Variants in CTNND2 observed in about 807,000 individuals in gnomAD.
CTNND2 encodes catenin delta-2.
A neutral mutation model predicts 144.4 loss-of-function variants in CTNND2; 22 were observed. The ratio of observed to expected loss-of-function variants is 0.15; its 90% CI spans 0.11 to 0.22. CTNND2 has a LOEUF of 0.22. Ranked by LOEUF, CTNND2 falls within the 10% of genes least tolerant of loss-of-function variation. The pLI, the probability that CTNND2 is intolerant of heterozygous loss-of-function variation, is 1.00. For synonymous variants in CTNND2, 751 were observed against 695.6 expected (o/e 1.08, Z -1.25); for missense variants, 1,353 against 1,618.8 (o/e 0.84, Z 2.82).
At chr5:11,216,960 C>A (rs754961477) in intron 10 of CTNND2, among the ~76,000 whole-genome samples, 15 of 152,138 alleles carry the variant, frequency 9.9e-5, no homozygotes, top group Non-Finnish European at 1.9e-4. Flanking sequence ...GGAGGTGGAT[C>A]TATATTGCCC....
intron 2 of CTNND2, among the ~76,000 whole-genome samples, chr5:11,646,584 A>C (rs189994028): frequency 6.6e-6 from 1 of 152,296 alleles, no homozygotes; most frequent in Admixed American, 6.5e-5. Context: ...TTCAAGAAAT[A>C]TTTTACCAAT....
At chr5:11,242,519 G>C (rs1184159760) in intron 9 of CTNND2, among the ~76,000 whole-genome samples, 1 of 152,180 alleles carries the variant, frequency 6.6e-6, no homozygotes, top group Non-Finnish European at 1.5e-5. Flanking sequence ...AAAGCCTGAA[G>C]ACAGTTTTGG....
chr5:11,827,400 A>G (rs1793659013), intron 1 of CTNND2, among the ~76,000 whole-genome samples: 1 of 152,202 alleles, frequency 6.6e-6, no homozygotes, highest in African/African-American at 2.4e-5. Flanking sequence ...CTAAACTTCT[A>G]CCCTTAATAA....
chr5:11,732,442 T>C (rs958430840), intron 1 of CTNND2, among the ~76,000 whole-genome samples, 170 bp from the exon 2 acceptor site: 1 of 152,154 alleles, frequency 6.6e-6, no homozygotes, highest in African/African-American at 2.4e-5. Flanking sequence ...AAAGTAACAG[T>C]ACAAGTAAAC....
intron 11 of CTNND2, among the ~76,000 whole-genome samples, chr5:11,162,080 TG>T (rs149067296): frequency 0.11 from 15,824 of 147,046 alleles, 1,214 homozygotes; most frequent in East Asian, 0.43. Flanking sequence ...AACCTGGGAG[TG>T]GGGGGGGGTT....
chr5:11,057,403 T>G (rs2149590152), intron 16 of CTNND2, among the ~76,000 whole-genome samples: 1 of 152,318 alleles, frequency 6.6e-6, no homozygotes, highest in Non-Finnish European at 1.5e-5. Flanking sequence ...TGAATAAGTC[T>G]TATGAGATCT....
intron 1 of CTNND2, among the ~76,000 whole-genome samples, chr5:11,901,747 C>T (rs1560986435): frequency 6.6e-6 from 1 of 152,116 alleles, no homozygotes; most frequent in Non-Finnish European, 1.5e-5. Context: ...TAACATAAAA[C>T]CCACATATAC....
chr5:11,371,294 A>G (rs1195571575), intron 7 of CTNND2, among the ~76,000 whole-genome samples: 1 of 152,262 alleles, frequency 6.6e-6, no homozygotes, highest in Non-Finnish European at 1.5e-5. Flanking sequence ...GGAAAAGGTG[A>G]TATCAGCATA....
chr5:11,308,372 A>G (rs1180356035), intron 9 of CTNND2, among the ~76,000 whole-genome samples: 1 of 152,224 alleles, frequency 6.6e-6, no homozygotes, highest in Non-Finnish European at 1.5e-5. Context: ...GTCTCTCACA[A>G]CTAGCCAGCT....
chr5:11,465,476 G>A (rs982411143), intron 3 of CTNND2, among the ~76,000 whole-genome samples: 21 of 152,080 alleles, frequency 1.4e-4, no homozygotes, highest in Non-Finnish European at 2.9e-4. Flanking sequence ...TCACATGATC[G>A]ATGTCCCAAT....
At chr5:11,681,965 C>CTGACACATGACACA (rs78015659) in intron 2 of CTNND2, among the ~76,000 whole-genome samples, 16 of 152,224 alleles carry the variant, frequency 1.1e-4, no homozygotes, top group African/African-American at 3.9e-4. Flanking sequence ...GACTGGCCTT[C>CTGACACATGACACA]TGACACATGA....
At chr5:11,092,036 G>A (rs531372697) in intron 15 of CTNND2, among the ~76,000 whole-genome samples, 6 of 152,086 alleles carry the variant, frequency 3.9e-5, no homozygotes, top group African/African-American at 9.6e-5. Context: ...TGAGTCTACC[G>A]AGATCCCCCT....
Position 11,384,477 on chromosome 5 carries a change from A to C in CTNND2, c.1177+188T>G, listed in dbSNP as rs192649077. On this transcript the variant is annotated intron_variant, in intron 7 of 21. Transcript: ENST00000304623. This position sits in a 1 kb window ranked among gnomAD's most constrained non-coding sequence, Gnocchi z 5.2. ...GAGACACCACATTACTCCGGAAAAG[A>C]AGTCACTGACAAACTGTAGGGAAGA... The C allele has an allele frequency of 1.5e-4, 91 of 596,058 alleles. No homozygotes were observed. The East Asian group carries it at 2.5e-3, about 16-fold the overall frequency. 36.9% of individuals were successfully genotyped at this position (596,058 alleles called of 1,614,324 possible).
chr5:11,459,626 G>T (rs1028752595), intron 3 of CTNND2, among the ~76,000 whole-genome samples: 1 of 152,086 alleles, frequency 6.6e-6, no homozygotes, highest in Non-Finnish European at 1.5e-5. Flanking sequence ...TTGTCTACCA[G>T]GCAAGGAAAC....
At chr5:11,683,389 C>A (rs1214053723) in intron 2 of CTNND2, among the ~76,000 whole-genome samples, 3 of 152,182 alleles carry the variant, frequency 2.0e-5, no homozygotes, top group South Asian at 2.1e-4. Context: ...AAACATTTAA[C>A]CTCTCTTAAG....
In CTNND2 at chr5:11,191,770, G is replaced by A. The variant is rs1494692; in HGVS notation, c.1975+7678C>T. 4.4e-3 allele frequency among the ~76,000 whole-genome samples: 664 copies of A among 152,282 alleles called. 6 individuals are homozygous for A. The highest frequency in any genetic ancestry group is 0.015 in the African/African-American group (627 of 41,566). ...GCCAGGAATAATCATGCAGAGTTCC[G>A]TGGCAAAGAGCGGCAGCTTTGTGTA... On this transcript the variant is annotated intron_variant, in intron 11 of 21. Transcript: ENST00000304623.
At chr5:11,246,992 G>A (rs1313094619) in intron 9 of CTNND2, among the ~76,000 whole-genome samples, 2 of 152,176 alleles carry the variant, frequency 1.3e-5, no homozygotes, top group Non-Finnish European at 2.9e-5. Context: ...AAGACATAGG[G>A]AAGCCACTGG....
At chr5:11,721,942 G>A (rs990238838) in intron 2 of CTNND2, among the ~76,000 whole-genome samples, 1 of 152,136 alleles carries the variant, frequency 6.6e-6, no homozygotes, top group Non-Finnish European at 1.5e-5. Flanking sequence ...CAAGAAGGAT[G>A]GGAGACATAG....
chr5:11,712,297 A>AT (rs61460124), intron 2 of CTNND2, among the ~76,000 whole-genome samples: 27,827 of 150,886 alleles, frequency 0.18, 2,751 homozygotes, highest in South Asian at 0.29. Flanking sequence ...CTTTCATTGC[A>AT]TTTTTTTTTA....
Sources: allele counts gnomAD v4.1 joint callset (sites outside exome capture counted in the v4.1 genomes callset), GRCh38; gene constraint gnomAD v4.1.1; non-coding constraint Gnocchi (gnomAD v3.1); transcripts MANE v1.5; gene names NCBI Gene and HGNC (gene_info 2026-07-23, HGNC 2026-07-21).